The following MRM2 variants were observed in gnomAD, a reference collection of about 807,000 sequenced individuals.
The protein encoded by MRM2 is rRNA methyltransferase 2, mitochondrial.
In MRM2, 15 loss-of-function variants were observed where a neutral mutation model predicts 10.9. The observed-to-expected ratio is 1.37, with a 90% CI of 0.92 to 2.11. MRM2 has a LOEUF of 2.11. MRM2 is among the 30% of genes most tolerant of loss of function. The probability of loss-of-function intolerance (pLI) is 0.00; values close to 1 mark genes in which losing one functional copy is unlikely to be tolerated. For missense variants in MRM2, 328 were observed against 321.3 expected (o/e 1.02, Z -0.16); for synonymous variants, 139 against 128.7 (o/e 1.08, Z -0.54).
At chr7:2,238,191 G>A (rs1159629275) in intron 2 of MRM2, 2 of 152,338 alleles carry the variant, frequency 1.3e-5, no homozygotes, top group East Asian at 3.9e-4. Context: ...GTCTCACCCT[G>A]TTCAAATGCC....
Position 2,239,524 on chromosome 7 carries a change from G to A in MRM2, c.192C>T (p.Asn64=), listed in dbSNP as rs772720493. ...CGGGCCGCAGAATCTGGTGCCTCTC[G>A]TTCACCTCCAGGAGCTTGAAGGCGC... is the stretch of plus-strand genomic sequence containing the variant. ...CRSAFKLLEV[N]ERHQILRPGL... is the part of the protein sequence containing the mutation. The change falls in exon 2 of 3, where the codon AAC becomes AAT. Residue 64 remains asparagine (N), a synonymous_variant. Coordinates refer to ENST00000242257, the MANE Select transcript of MRM2 (RefSeq NM_013393.3). 22 of 1,613,842 alleles carry A rather than the reference G, an allele frequency of 1.4e-5. No homozygotes were observed. Among genetic ancestry groups the A allele is most frequent in the African/African-American group, 2.7e-5 (2 of 74,918 alleles).
At chr7:2,240,179 G>A (rs1027662630) in intron 1 of MRM2, 7 of 403,394 alleles carry the variant, frequency 1.7e-5, no homozygotes, top group Middle Eastern at 7.1e-4. Context: ...CCGAGATTGC[G>A]CCACTGCACT....
rs183217137 is a variant in MRM2 at position 2,239,810 on chromosome 7, C to T, written c.9-103G>A. On this transcript the variant is annotated intron_variant, in intron 1 of 2. Transcript: ENST00000242257. Reference sequence around the variant, plus strand: ...AACTCATTCATTTCTAGAGATGGGGCACCAAGGCCCAGGAGGGGAGGTGAA... The same window carrying T: ...AACTCATTCATTTCTAGAGATGGGGTACCAAGGCCCAGGAGGGGAGGTGAA... 6.6e-6 allele frequency: 7 copies of T among 1,054,062 alleles called. No homozygotes were observed. The Admixed American group carries it at 1.3e-4, about 19-fold the overall frequency. The allele number at this position is 1,054,062 out of a possible 1,614,324, so 65.3% of individuals were successfully genotyped here. A position where few individuals can be genotyped will look rare whatever the true frequency, so the allele number is the denominator to read the frequency against.
chr7:2,235,321 G>T lies in MRM2; in HGVS notation c.542C>A (p.Thr181Asn), dbSNP rs772370704. 267 of 1,614,118 alleles carry T rather than the reference G, an allele frequency of 1.7e-4. No homozygotes were observed. Among genetic ancestry groups the T allele is most frequent in the Non-Finnish European group, 2.2e-4 (257 of 1,180,028 alleles). Residue 181 changes from threonine to asparagine, a missense_variant, in exon 3 of 3, where the codon ACC (threonine) becomes AAC (asparagine). Transcript: ENST00000242257. Reference protein sequence around the residue: ...ISLCLTLLSVTPDILQPGGTF... With the variant: ...ISLCLTLLSVNPDILQPGGTF... ...CCCCCCAGGTTGCAGGATGTCTGGG[G>T]TCACGCTGAGAAGGGTCAGGCACAG...
chr7:2,242,138 GC>G, intron 1 of MRM2, 23 bp downstream of exon 1: 15 of 1,582,980 alleles, frequency 9.5e-6, no homozygotes, highest in Non-Finnish European at 1.3e-5. Flanking sequence ...CTGTCTGCAC[GC>G]GCAGCAGCAG....
chr7:2,239,354 G>A (rs1794478158), intron 2 of MRM2, 64 bp downstream of exon 2: 1 of 1,502,712 alleles, frequency 6.7e-7, no homozygotes, highest in Non-Finnish European at 9.1e-7. Flanking sequence ...GGCAAAGGCA[G>A]CTTGCCCATG....
intron 2 of MRM2, chr7:2,238,293 A>C (rs143151189): frequency 1.3e-5 from 2 of 152,412 alleles, no homozygotes; most frequent in African/African-American, 2.4e-5. Context: ...AGCCAAAAGC[A>C]ACCTTGATGC....
At chr7:2,239,024 T>TA (rs1562401763) in intron 2 of MRM2, 1 of 14,704 alleles carries the variant, frequency 6.8e-5, no homozygotes, top group Admixed American at 6.3e-4. Context: ...TATATATATA[T>TA]ATATAATACA....
In MRM2 at chr7:2,239,424, C is replaced by CTGCGG. The variant is rs1268591727; in HGVS notation, c.287_291dup (p.Gly98ProfsTer16). 1.2e-6 allele frequency: 2 copies of CTGCGG among 1,605,628 alleles called. No homozygotes were observed. Among genetic ancestry groups the CTGCGG allele is most frequent in the Non-Finnish European group, 1.7e-6 (2 of 1,175,982 alleles). The stretch of plus-strand genomic sequence containing the variant: ...CAGCAGTGCAGAGGCCCACCTGTGC[C>CTGCGG]TGCGGCGTTGACCTTCTGCACCGCC... On this transcript the variant is annotated frameshift_variant, in exon 2 of 3. Transcript: ENST00000242257. LOFTEE classifies it low-confidence loss of function (END_TRUNC).
intron 1 of MRM2, among the ~76,000 whole-genome samples, chr7:2,241,088 G>C (rs1008679225): frequency 6.6e-6 from 1 of 152,080 alleles, no homozygotes; most frequent in African/African-American, 2.4e-5. Flanking sequence ...TGCAGCCACA[G>C]CCTCTGGGGC....
chr7:2,239,945 G>A (rs983272656), intron 1 of MRM2, among the ~76,000 whole-genome samples: 7 of 152,180 alleles, frequency 4.6e-5, no homozygotes, highest in South Asian at 2.1e-4. Flanking sequence ...GGGGGTATTC[G>A]GAGACACCTG....
rs994528997 is a variant in MRM2, at chr7:2,239,225, T to C, written c.298+193A>G. On this transcript the variant is annotated intron_variant, in intron 2 of 2. Transcript: ENST00000242257. Reference sequence around the variant, plus strand: ...AGGTGATTTCCATGTTCACTGCACCTTTCTACCTTGTCTTTCATTTTGAAA... The same window carrying C: ...AGGTGATTTCCATGTTCACTGCACCCTTCTACCTTGTCTTTCATTTTGAAA... 5.0e-6 allele frequency: 4 copies of C among 798,258 alleles called. No individual in the cohort carries two copies. In the African/African-American group the frequency reaches 6.7e-5, roughly 13 times the overall value. The allele number at this position is 798,258 out of a possible 1,614,324, so 49.4% of individuals were successfully genotyped here.
intron 2 of MRM2, 97 bp from the exon 3 acceptor site, chr7:2,235,661 G>C (rs1794408940): frequency 1.1e-6 from 1 of 869,596 alleles, no homozygotes; most frequent in Admixed American, 2.7e-5. Context: ...AAAATAAAAT[G>C]TCAAGACCAA....
upstream of MRM2, chr7:2,242,205 TGCCTG>T (rs35136463): frequency 3.7e-3 from 5,787 of 1,565,906 alleles, 176 homozygotes; most frequent in African/African-American, 0.068. Flanking sequence ...CCGCCGGAAG[TGCCTG>T]GCCTCACTTC....
At chr7:2,236,947 C>T (rs946681619) in intron 2 of MRM2, among the ~76,000 whole-genome samples, 4 of 152,142 alleles carry the variant, frequency 2.6e-5, no homozygotes, top group African/African-American at 9.7e-5. Context: ...TCTTGTTTTA[C>T]GTAAGGTGAC....
intron 2 of MRM2, 200 bp downstream of exon 2, chr7:2,239,218 C>T (rs1267049618): frequency 1.3e-6 from 1 of 792,252 alleles, no homozygotes; most frequent in Non-Finnish European, 2.3e-6. Flanking sequence ...TCCATGTTCA[C>T]TGCACCTTTC....
chr7:2,240,879 T>C (rs1794516779), intron 1 of MRM2, among the ~76,000 whole-genome samples: 1 of 152,130 alleles, frequency 6.6e-6, no homozygotes, highest in African/African-American at 2.4e-5. Flanking sequence ...GTATTTTCAG[T>C]ATAGATGGGT....
Position 2,239,001 on chromosome 7 carries a change from ATATATATATATATATATATATATATAT to A in MRM2, c.298+390_298+416del, listed in dbSNP as rs1562401644. Reference sequence around the variant, plus strand: ...ATTATATATATATATATATATATATATATATATATATATATATATATATATATAATACATATATGTATGTATCATTAA... The same window carrying A: ...ATTATATATATATATATATATATATAAATACATATATGTATGTATCATTAA... On this transcript the variant is annotated intron_variant, in intron 2 of 2. Transcript: ENST00000242257. The A allele has an allele frequency of 2.1e-3, 245 of 113,996 alleles. 24 individuals are homozygous for A. Among genetic ancestry groups the A allele is most frequent in the Non-Finnish European group, 2.2e-3 (131 of 58,868 alleles). 7.1% of individuals were successfully genotyped at this position (113,996 alleles called of 1,614,324 possible).
In MRM2 at chr7:2,239,628, C is replaced by T. The variant is rs763061299; in HGVS notation, c.88G>A (p.Ala30Thr). Residue 30 changes from alanine to threonine, a missense_variant, in exon 2 of 3, where the codon GCT becomes ACT. Coordinates refer to ENST00000242257, the MANE Select transcript of MRM2 (RefSeq NM_013393.3). ...VGSRCKNRTG[A>T]EHLWLTRHLR... is the part of the protein sequence containing the mutation. Reference sequence around the variant, plus strand: ...TGTCGGGTCAGCCACAGGTGCTCAGCGCCTGTCCGATTCTTGCAGCGACTC... The same window carrying T: ...TGTCGGGTCAGCCACAGGTGCTCAGTGCCTGTCCGATTCTTGCAGCGACTC... 11 of 1,614,074 alleles carry T rather than the reference C, an allele frequency of 6.8e-6. No individual in the cohort carries two copies. Among genetic ancestry groups the T allele is most frequent in the Non-Finnish European group, 9.3e-6 (11 of 1,179,998 alleles).
Sources: gnomAD v4.1 joint callset for allele counts (sites outside exome capture counted in the v4.1 genomes callset) on GRCh38, gnomAD v4.1.1 for gene constraint, MANE v1.5 for transcripts, NCBI Gene and HGNC (gene_info 2026-07-23, HGNC 2026-07-21) for gene names.